The following ST6GALNAC5 variants were observed in gnomAD, a reference collection of about 807,000 sequenced individuals.
ST6GALNAC5 encodes the protein alpha-N-acetylgalactosaminide alpha-2,6-sialyltransferase 5.
ST6GALNAC5 carries 27 observed loss-of-function variants against 33.6 expected under a neutral mutation model. The ratio of observed to expected loss-of-function variants is 0.80; its 90% CI spans 0.59 to 1.11. The LOEUF (loss-of-function observed/expected upper bound fraction) is 1.11, where lower values mean the gene tolerates loss of function less well. Among genes scored for constraint, ST6GALNAC5 ranks in the 50% least tolerant of loss-of-function variants. The pLI, the probability that ST6GALNAC5 is intolerant of heterozygous loss-of-function variation, is 0.00. For missense variants in ST6GALNAC5, 428 were observed against 454.0 expected (o/e 0.94, Z 0.52); for synonymous variants, 194 against 171.2 (o/e 1.13, Z -1.04).
At chr1:76,907,752 C>T (rs1045359571) in intron 2 of ST6GALNAC5, among the ~76,000 whole-genome samples, 8 of 152,068 alleles carry the variant, frequency 5.3e-5, no homozygotes, top group East Asian at 3.9e-4. Flanking sequence ...TTATAAGTGG[C>T]GCTGTGAGGA....
chr1:76,919,848 A>G (rs1441031593), intron 2 of ST6GALNAC5, among the ~76,000 whole-genome samples: 2 of 152,210 alleles, frequency 1.3e-5, no homozygotes, highest in Non-Finnish European at 2.9e-5. Flanking sequence ...AGTGATGATG[A>G]GAACTGTAGT....
At chr1:76,936,953 G>GGCGTGTGTGCGTGTGTGT (rs138095164) in intron 2 of ST6GALNAC5, among the ~76,000 whole-genome samples, 1 of 139,946 alleles carries the variant, frequency 7.1e-6, no homozygotes, top group East Asian at 2.1e-4. Context: ...AGAGAAGCAG[G>GGCGTGTGTGCGTGTGTGT]GTGTGTGTGT....
intron 2 of ST6GALNAC5, among the ~76,000 whole-genome samples, chr1:76,878,197 T>C (rs1653692269): frequency 6.6e-6 from 1 of 152,202 alleles, no homozygotes; most frequent in Non-Finnish European, 1.5e-5. Context: ...ACTATATTTC[T>C]AGGTAGAGCC....
intron 2 of ST6GALNAC5, among the ~76,000 whole-genome samples, chr1:76,883,753 A>G (rs1287213507): frequency 1.3e-5 from 2 of 152,238 alleles, no homozygotes; most frequent in African/African-American, 4.8e-5. Flanking sequence ...GTTAAACTAT[A>G]TTCATTCATT....
chr1:76,870,839 G>A (rs1406960025), intron 2 of ST6GALNAC5, among the ~76,000 whole-genome samples: 2 of 152,182 alleles, frequency 1.3e-5, no homozygotes, highest in Non-Finnish European at 2.9e-5. Context: ...TATACCCAAA[G>A]GTTTTGAGGG....
chr1:76,923,653 G>A (rs1045104470), intron 2 of ST6GALNAC5, among the ~76,000 whole-genome samples: 4 of 151,822 alleles, frequency 2.6e-5, no homozygotes, highest in African/African-American at 9.7e-5. Flanking sequence ...AGATTACACC[G>A]CTGCACTCCA....
intron 2 of ST6GALNAC5, among the ~76,000 whole-genome samples, chr1:76,930,179 C>T (rs1306720285): frequency 6.6e-6 from 1 of 152,122 alleles, no homozygotes; most frequent in Non-Finnish European, 1.5e-5. Flanking sequence ...TTTACTAAAT[C>T]TGTCTTTCAT....
chr1:76,963,564 A>G (rs1648333918), intron 2 of ST6GALNAC5, among the ~76,000 whole-genome samples: 1 of 152,218 alleles, frequency 6.6e-6, no homozygotes, highest in African/African-American at 2.4e-5. Flanking sequence ...TTAGGTGACC[A>G]TCATATACAG....
chr1:77,001,565 T>G (rs1650166995), intron 2 of ST6GALNAC5, among the ~76,000 whole-genome samples: 1 of 150,902 alleles, frequency 6.6e-6, no homozygotes, highest in African/African-American at 2.4e-5. Context: ...ATCCCTGTCT[T>G]GTGCCAGTTT....
chr1:76,910,011 A>G (rs1235264430), intron 2 of ST6GALNAC5, among the ~76,000 whole-genome samples: 3 of 152,078 alleles, frequency 2.0e-5, no homozygotes, highest in African/African-American at 4.8e-5. Context: ...CAAGATGTTA[A>G]CATTCACATT....
At chr1:76,930,150 G>T (rs60780210) in intron 2 of ST6GALNAC5, among the ~76,000 whole-genome samples, 2 of 151,944 alleles carry the variant, frequency 1.3e-5, no homozygotes, top group African/African-American at 4.8e-5. Flanking sequence ...CCCCCTACTC[G>T]TTTTGTGGTC....
At chr1:77,062,051 C>G (rs952746615) in intron 4 of ST6GALNAC5, among the ~76,000 whole-genome samples, 2 of 152,162 alleles carry the variant, frequency 1.3e-5, no homozygotes, top group African/African-American at 4.8e-5. Context: ...ATCAACTTTC[C>G]AAACTCAGAG....
chr1:77,008,999 C>T (rs1650530434), intron 2 of ST6GALNAC5, among the ~76,000 whole-genome samples: 1 of 152,140 alleles, frequency 6.6e-6, no homozygotes, highest in African/African-American at 2.4e-5. Context: ...AACTGATTTG[C>T]CATTTGTGTG....
intron 2 of ST6GALNAC5, among the ~76,000 whole-genome samples, chr1:77,002,838 G>A (rs1422438503): frequency 1.8e-3 from 229 of 126,922 alleles, no homozygotes; most frequent in Admixed American, 3.7e-3. Context: ...TAGTTTGATT[G>A]CACTGTGGTC....
intron 2 of ST6GALNAC5, among the ~76,000 whole-genome samples, chr1:76,912,948 T>C (rs891472952): frequency 2.6e-5 from 4 of 151,678 alleles, no homozygotes; most frequent in Non-Finnish European, 5.9e-5. Flanking sequence ...TGTGTGAATT[T>C]GATCCTGTCA....
chr1:77,022,175 A>G (rs904377418), intron 2 of ST6GALNAC5, among the ~76,000 whole-genome samples: 4 of 152,206 alleles, frequency 2.6e-5, no homozygotes, highest in African/African-American at 7.2e-5. Context: ...ATAAAAGCAG[A>G]AAATTAAGGA....
rs546604733 is a variant in ST6GALNAC5, at chr1:77,041,659, T to C, written c.262-2545T>C. 2.6e-5 allele frequency among the ~76,000 whole-genome samples: 4 copies of C among 152,308 alleles called. No homozygotes were observed. In the South Asian group the frequency reaches 8.3e-4, roughly 32 times the overall value. ...GGATTCAGGACTCCTTACTCCAGAT[T>C]TCAGTAGTTTTCTGAGGGGAATAGG... On this transcript the variant is annotated intron_variant, in intron 2 of 4. Coordinates refer to ENST00000477717, the MANE Select transcript of ST6GALNAC5 (RefSeq NM_030965.3).
intron 2 of ST6GALNAC5, among the ~76,000 whole-genome samples, chr1:77,039,469 C>T (rs1030528785): frequency 6.6e-6 from 1 of 152,226 alleles, no homozygotes; most frequent in African/African-American, 2.4e-5. Context: ...ACCACCCTTT[C>T]TCTTTGTGGC....
chr1:76,886,169 T>A (rs1443047559), intron 2 of ST6GALNAC5, among the ~76,000 whole-genome samples: 1 of 152,370 alleles, frequency 6.6e-6, no homozygotes, highest in South Asian at 2.1e-4. Flanking sequence ...GAAATTTTAC[T>A]GCACAGTTAT....
Sources: gnomAD v4.1 joint callset for allele counts (sites outside exome capture counted in the v4.1 genomes callset) on GRCh38, gnomAD v4.1.1 for gene constraint, MANE v1.5 for transcripts, NCBI Gene and HGNC (gene_info 2026-07-23, HGNC 2026-07-21) for gene names.